The following DNAH6 variants were observed in gnomAD, a reference collection of about 807,000 sequenced individuals.
DNAH6 encodes the protein dynein axonemal heavy chain 6.
DNAH6 carries 340 observed loss-of-function variants against 491.4 expected under a neutral mutation model. The ratio of observed to expected loss-of-function variants is 0.69; its 90% CI spans 0.63 to 0.76. DNAH6 has a LOEUF of 0.76. DNAH6 is among the 30% of genes least tolerant of loss of function. The probability of loss-of-function intolerance (pLI) is 0.00; values close to 1 mark genes in which losing one functional copy is unlikely to be tolerated. For missense variants in DNAH6, 4,443 were observed against 4,972.2 expected, an observed-to-expected ratio of 0.89 and a Z score of 3.20; for synonymous variants, 1,603 against 1,686.1, an observed-to-expected ratio of 0.95 and a Z score of 1.21.
chr2:84,594,110 T>C, intron 17 of DNAH6, 25 bp downstream of exon 17: 1 of 1,230,482 alleles, frequency 8.1e-7, no homozygotes, highest in Non-Finnish European at 1.1e-6. Flanking sequence ...CCTTCAGTTC[T>C]CAAATTATTT....
intron 11 of DNAH6, among the ~76,000 whole-genome samples, chr2:84,566,308 G>T (rs1370535917): frequency 1.3e-5 from 2 of 151,932 alleles, no homozygotes; most frequent in Non-Finnish European, 2.9e-5. Context: ...AGTTATTCTA[G>T]AATATTGAAA....
At chr2:84,778,292 A>G in intron 64 of DNAH6, 1 of 545,294 alleles carries the variant, frequency 1.8e-6, no homozygotes, top group South Asian at 2.0e-5. Flanking sequence ...TGGCAATGAG[A>G]TCCGGACTTG....
At chr2:84,611,947 A>G (rs774520047) in intron 22 of DNAH6, 93 bp downstream of exon 22, 7 of 1,139,156 alleles carry the variant, frequency 6.1e-6, no homozygotes, top group Non-Finnish European at 8.6e-6. Context: ...CTGGGAATCT[A>G]ATAACATATG....
chr2:84,759,815 TAAGAAAA>T (rs963435420), intron 63 of DNAH6, among the ~76,000 whole-genome samples: 3 of 151,932 alleles, frequency 2.0e-5, no homozygotes, highest in African/African-American at 7.3e-5. Flanking sequence ...AATGCAATCC[TAAGAAAA>T]AAGAAAAAAG....
chr2:84,705,816 G>A (rs1696374762), intron 52 of DNAH6, 69 bp downstream of exon 52: 1 of 1,469,558 alleles, frequency 6.8e-7, no homozygotes, highest in African/African-American at 1.4e-5. Context: ...CAAGTTCTCT[G>A]TATAATGTTA....
intron 43 of DNAH6, among the ~76,000 whole-genome samples, chr2:84,685,678 T>C (rs1438981349): frequency 6.6e-6 from 1 of 152,096 alleles, no homozygotes; most frequent in Non-Finnish European, 1.5e-5. Flanking sequence ...CAGTCGGGCA[T>C]GGTGGCTCAT....
the DNAH6 span, among the ~76,000 whole-genome samples, chr2:84,477,242 GCT>G: frequency 6.6e-6 from 1 of 152,202 alleles, no homozygotes; most frequent in Admixed American, 6.5e-5. Context: ...ATGATCTACA[GCT>G]GTGATGGTTT....
At chr2:84,567,450 A>G (rs1249518222) in intron 11 of DNAH6, among the ~76,000 whole-genome samples, 2 of 152,182 alleles carry the variant, frequency 1.3e-5, no homozygotes, top group Non-Finnish European at 2.9e-5. Flanking sequence ...TGGTACAAAA[A>G]CAGACATGTA....
At chr2:84,635,473 A>T (rs1174185717) in intron 30 of DNAH6, among the ~76,000 whole-genome samples, 1 of 152,138 alleles carries the variant, frequency 6.6e-6, no homozygotes, top group African/African-American at 2.4e-5. Flanking sequence ...GTTCCCGCAT[A>T]CTCTGGGGAG....
At chr2:84,628,937 G>C (rs1477630696) in intron 29 of DNAH6, among the ~76,000 whole-genome samples, 1 of 152,060 alleles carries the variant, frequency 6.6e-6, no homozygotes, top group Non-Finnish European at 1.5e-5. Context: ...TCTTCACCAG[G>C]GGTAACTTCT....
At chr2:84,697,786 T>C in intron 47 of DNAH6, 59 bp downstream of exon 47, 1 of 1,539,640 alleles carries the variant, frequency 6.5e-7, no homozygotes, top group Non-Finnish European at 8.8e-7. Flanking sequence ...TCACCTTTTA[T>C]TTAACCATTC....
intron 33 of DNAH6, among the ~76,000 whole-genome samples, chr2:84,644,190 G>A (rs1007237703): frequency 3.3e-5 from 5 of 152,134 alleles, no homozygotes; most frequent in Admixed American, 1.3e-4. Flanking sequence ...GTGGCCTAGA[G>A]TTGGGTAATT....
chr2:84,659,610 T>C (rs1180407791), intron 37 of DNAH6, among the ~76,000 whole-genome samples: 3 of 152,166 alleles, frequency 2.0e-5, no homozygotes, highest in Non-Finnish European at 4.4e-5. Flanking sequence ...GGAGAAAAAT[T>C]AGAATGCACT....
chr2:84,659,616 G>GGTC (rs1400858892), intron 37 of DNAH6, among the ~76,000 whole-genome samples: 3 of 152,128 alleles, frequency 2.0e-5, no homozygotes, highest in Non-Finnish European at 4.4e-5. Flanking sequence ...AAATTAGAAT[G>GGTC]CACTCTGTTT....
rs1000654448 is a variant in DNAH6, at chr2:84,709,491, G to A, written c.9197G>A (p.Gly3066Asp). 6 of 1,551,536 alleles carry A rather than the reference G, an allele frequency of 3.9e-6. No individual in the cohort carries two copies. In the African/African-American group the frequency reaches 8.2e-5, roughly 21 times the overall value. Residue 3066 changes from glycine to aspartate, a missense_variant, in exon 55 of 77, where the codon GGC becomes GAC. This residue lies in a region of DNAH6 where 1,463 missense variants were observed against 1,656.6 expected (regional missense o/e 0.88). Coordinates refer to ENST00000389394, the MANE Select transcript of DNAH6 (RefSeq NM_001370.2). Reference sequence around the variant, plus strand: ...CGTGACTTGATATCAACAGAAAATGGCATTTTGGTTACTCAAGGCAGAAGA... The same window carrying A: ...CGTGACTTGATATCAACAGAAAATGACATTTTGGTTACTCAAGGCAGAAGA... Reference protein sequence around the residue: ...LPRDLISTENGILVTQGRRWP... With the variant: ...LPRDLISTENDILVTQGRRWP...
chr2:84,487,931 G>A, the DNAH6 span, among the ~76,000 whole-genome samples: 1 of 151,252 alleles, frequency 6.6e-6, no homozygotes, highest in African/African-American at 2.4e-5. Context: ...ACCTAATCTA[G>A]GACATCCTGA....
At chr2:84,608,031 A>G (rs1685946088) in intron 21 of DNAH6, among the ~76,000 whole-genome samples, 1 of 148,786 alleles carries the variant, frequency 6.7e-6, no homozygotes, top group South Asian at 2.1e-4. Flanking sequence ...CATTTCAACA[A>G]TGTTTATAGC....
At chr2:84,583,857 T>G (rs1486395000) in intron 14 of DNAH6, 142 bp from the exon 15 acceptor site, 4 of 863,316 alleles carry the variant, frequency 4.6e-6, no homozygotes, top group Non-Finnish European at 7.0e-6. Context: ...AATTACCCAG[T>G]CTTAGATATG....
chr2:84,595,595 C>T, intron 17 of DNAH6, 51 bp from the exon 18 acceptor site: 1 of 1,461,742 alleles, frequency 6.8e-7, no homozygotes, highest in Non-Finnish European at 9.1e-7. Context: ...TCAAACCTGA[C>T]TTTTACTTTA....
Sources: allele counts gnomAD v4.1 joint callset (sites outside exome capture counted in the v4.1 genomes callset), GRCh38; gene constraint gnomAD v4.1.1; regional missense constraint gnomAD v4.1.1; transcripts MANE v1.5; gene names NCBI Gene and HGNC (gene_info 2026-07-23, HGNC 2026-07-21).